Variants in PLCB2 observed in about 807,000 individuals in gnomAD.
PLCB2 encodes the protein phospholipase C beta 2, also known as 1-phosphatidylinositol 4,5-bisphosphate phosphodiesterase beta-2.
PLCB2 carries 115 observed loss-of-function variants against 141.7 expected under a neutral mutation model. That is an observed-to-expected ratio of 0.81 (90% CI 0.70 to 0.95). The LOEUF is 0.95. Among genes scored for constraint, PLCB2 ranks in the 40% least tolerant of loss-of-function variants. PLCB2 has a pLI of 0.00. For missense variants in PLCB2, 1,403 were observed against 1,541.1 expected (o/e 0.91, Z 1.50); for synonymous variants, 603 against 595.6 (o/e 1.01, Z -0.18).
At chr15:40,287,139 G>A (rs2039623919), downstream of PLCB2, among the ~76,000 whole-genome samples, 1 of 152,162 alleles carries the variant, frequency 6.6e-6, no homozygotes, top group African/African-American at 2.4e-5. Context: ...GGTATAGGTG[G>A]TCTGCCCCAG....
intron 14 of PLCB2, 23 bp downstream of exon 14, chr15:40,296,723 C>G (rs766376511): frequency 6.7e-5 from 108 of 1,610,090 alleles, no homozygotes; most frequent in Non-Finnish European, 8.7e-5. Flanking sequence ...TAATACCCCC[C>G]ACCATAGTCC....
At position 40,287,962 on chromosome 15, in the gene PLCB2, C is replaced by T. The variant is rs764851144; in HGVS notation, c.*753G>A. 2 of 984,336 alleles carry T rather than the reference C, an allele frequency of 2.0e-6. No individual in the cohort carries two copies. The highest frequency in any genetic ancestry group is 2.4e-6 in the Non-Finnish European group (2 of 829,098). 61.0% of individuals were successfully genotyped at this position (984,336 alleles called of 1,614,324 possible). A position where few individuals can be genotyped will look rare whatever the true frequency, so the allele number is the denominator to read the frequency against. On this transcript the variant is annotated 3_prime_UTR_variant, in exon 32 of 32. Coordinates refer to ENST00000260402, the MANE Select transcript of PLCB2 (RefSeq NM_004573.3). ...AGGAAAGAGAAAAATAAATAAACCT[C>T]ATAAATTCAGGAGAGCAAATGATGC...
chr15:40,303,155 T>A, intron 3 of PLCB2, 133 bp downstream of exon 3: 1 of 714,676 alleles, frequency 1.4e-6, no homozygotes, highest in Non-Finnish European at 2.5e-6. Context: ...CCAGCCACGG[T>A]CCTTGCTGCC....
At chr15:40,285,805 C>A, downstream of PLCB2, 1 of 985,508 alleles carries the variant, frequency 1.0e-6, no homozygotes, top group Non-Finnish European at 1.2e-6. Flanking sequence ...CACACCCCCC[C>A]AGGTGGAGGA....
In PLCB2 at chr15:40,297,524, G is replaced by A. The variant is rs751205465; in HGVS notation, c.1320C>T (p.Phe440=). Residue 440 remains phenylalanine, a synonymous_variant, in exon 13 of 32, where the codon TTC becomes TTT. Coordinates refer to ENST00000260402, the MANE Select transcript of PLCB2 (RefSeq NM_004573.3). The surrounding 1 kb of genome is among the most constrained non-coding windows in gnomAD (Gnocchi z 4.2). ...DMLLTEPLEK[F]PLKPGVPLPS... is the part of the protein sequence containing the mutation. ...TCCCACAGCGAAGCCCACTCACTGG[G>A]AACTTTTCCAGGGGCTCTGTGAGCA... 6.2e-6 allele frequency: 10 copies of A among 1,612,886 alleles called. No individual in the cohort carries two copies. Among genetic ancestry groups the A allele is most frequent in the South Asian group, 2.2e-5 (2 of 91,050 alleles).
intron 7 of PLCB2, chr15:40,301,290 G>C (rs1290046156): frequency 2.0e-6 from 1 of 503,128 alleles, no homozygotes; most frequent in African/African-American, 1.9e-5. Context: ...CCACACAAGA[G>C]CACTGGCCAA....
intron 3 of PLCB2, 115 bp downstream of exon 3, chr15:40,303,173 G>A: frequency 1.2e-6 from 1 of 803,144 alleles, no homozygotes; most frequent in Admixed American, 1.9e-5. Context: ...GCCCAGCCAA[G>A]GAACCATTCC....
chr15:40,287,891 C>T (rs1281520660), downstream of PLCB2: 2 of 979,194 alleles, frequency 2.0e-6, no homozygotes, highest in Non-Finnish European at 2.4e-6. Context: ...AGAATAGAGA[C>T]CAGGCTTAAG....
At chr15:40,296,491 C>G in intron 15 of PLCB2, 31 bp downstream of exon 15, 1 of 1,613,766 alleles carries the variant, frequency 6.2e-7, no homozygotes, top group Non-Finnish European at 8.5e-7. Context: ...TGGAGGATGA[C>G]ACAGAGGGGC....
intron 1 of PLCB2, among the ~76,000 whole-genome samples, chr15:40,306,412 C>G (rs527659660): frequency 8.1e-4 from 124 of 152,292 alleles, no homozygotes; most frequent in Non-Finnish European, 1.4e-3. Context: ...AACCCCCGAC[C>G]TCCACTGCCA....
Position 40,302,540 on chromosome 15 carries a change from C to T in PLCB2, c.301G>A (p.Val101Met), listed in dbSNP as rs1484277060. 6.2e-7 allele frequency: 1 copy of T among 1,614,084 alleles called. No homozygotes were observed. Among genetic ancestry groups the T allele is most frequent in the Non-Finnish European group, 8.5e-7 (1 of 1,180,020 alleles). The change falls in exon 4 of 32, where the codon GTG becomes ATG. Residue 101 changes from valine (V) to methionine (M), a missense_variant. Val to Met is a conservative substitution (Grantham distance 21). This residue lies in a region of PLCB2 where 975 missense variants were observed against 1,141.1 expected (regional missense o/e 0.85). Transcript: ENST00000260402. ...TCCACCATGTCCGGGCCGGACACCA[C>T]CGTGAGTGTCTTCAGCAGGAAACTG... ...DNSFLLKTLT[V>M]VSGPDMVDLT...
In PLCB2 at chr15:40,291,274, C is replaced by A; in HGVS notation, c.2861G>T (p.Arg954Leu). Residue 954 changes from arginine (R) to leucine (L), a missense_variant, in exon 26 of 32, where the codon CGC (arginine) becomes CTC (leucine). Coordinates refer to ENST00000260402, the MANE Select transcript of PLCB2 (RefSeq NM_004573.3). ...CCGCCACGAGCCTTACCTCTTCTTG[C>A]GAGAGCCCTTGCCGGGACCGAGCTT... ...ACKLGPGKGS[R>L]KKRSLPREES... is the part of the protein sequence containing the mutation. The A allele has an allele frequency of 6.4e-7, 1 of 1,568,662 alleles. No individual in the cohort carries two copies. The highest frequency in any genetic ancestry group is 8.6e-7 in the Non-Finnish European group (1 of 1,165,944).
Position 40,298,623 on chromosome 15 carries a change from G to C in PLCB2, c.936C>G (p.His312Gln), listed in dbSNP as rs114336069. The C allele has an allele frequency of 1.8e-3, 2,914 of 1,614,206 alleles. 53 individuals carry two copies. The African/African-American group carries it at 0.033, about 18-fold the overall frequency. ...AATGATTGAGTGGCTGCGTCATGTC[G>C]TGGTGGAGCAGCAGCTTGTCCTGGG... is the stretch of plus-strand genomic sequence containing the variant. ...VLAQDKLLLH[H>Q]DMTQPLNHYF... The change falls in exon 10 of 32, where the codon CAC becomes CAG. Residue 312 changes from histidine (H) to glutamine (Q), a missense_variant. Physicochemically the swap from His to Gln is conservative, Grantham distance 24. Around this residue, in one of 4 missense-constraint regions of PLCB2, gnomAD observed 975 missense variants for 1,141.1 expected, o/e 0.85. Coordinates refer to ENST00000260402, the MANE Select transcript of PLCB2 (RefSeq NM_004573.3).
intron 7 of PLCB2, chr15:40,301,734 G>T: frequency 1.4e-6 from 1 of 705,700 alleles, no homozygotes; most frequent in Non-Finnish European, 2.6e-6. Flanking sequence ...CAGGGTAGGG[G>T]ATACAGACAA....
At chr15:40,302,978 T>C (rs982263088) in intron 3 of PLCB2, among the ~76,000 whole-genome samples, 2 of 152,192 alleles carry the variant, frequency 1.3e-5, no homozygotes, top group Non-Finnish European at 2.9e-5. Context: ...ATAGGCAAAC[T>C]AGTCCGGGGG....
rs762999371 is a variant in PLCB2 at position 40,291,907 on chromosome 15, C to T, written c.2544G>A (p.Ala848=). The T allele has an allele frequency of 1.9e-6, 3 of 1,614,158 alleles. No individual in the cohort carries two copies. Among genetic ancestry groups the T allele is most frequent in the South Asian group, 2.2e-5 (2 of 91,074 alleles). Residue 848 remains alanine (A), a synonymous_variant, in exon 24 of 32, where the codon GCG becomes GCA. Coordinates refer to ENST00000260402, the MANE Select transcript of PLCB2 (RefSeq NM_004573.3). ...GGLPEKPFPL[A]SPVASQVNGA... ...CATTGACCTGGCTGGCAACTGGACT[C>T]GCCAGTGGGAAGGGCTTCTGTGTAG... is the stretch of plus-strand genomic sequence containing the variant.
Position 40,288,853 on chromosome 15 carries a change from C to A in PLCB2, c.3420G>T (p.Glu1140Asp). ...RMKGLEAEVK[E>D]SVRACLRTCF... ...AGGTCCTGAGGCAGGCCCTCACCGA[C>A]TCCTTCACCTCTGCCTCCAGACCCT... The change falls in exon 32 of 32, where the codon GAG (glutamate) becomes GAT (aspartate). Residue 1140 changes from glutamate (E) to aspartate (D), a missense_variant. Glu to Asp is a conservative substitution (Grantham distance 45, BLOSUM62 2). Coordinates refer to ENST00000260402, the MANE Select transcript of PLCB2 (RefSeq NM_004573.3). 6.2e-7 allele frequency: 1 copy of A among 1,614,068 alleles called. No homozygotes were observed. Among genetic ancestry groups the A allele is most frequent in the Non-Finnish European group, 8.5e-7 (1 of 1,180,004 alleles).
Position 40,294,389 on chromosome 15 carries a change from A to G in PLCB2, c.1938T>C (p.Phe646=). 1 of 1,614,214 alleles carries G rather than the reference A, an allele frequency of 6.2e-7. No individual in the cohort carries two copies. Among genetic ancestry groups the G allele is most frequent in the Non-Finnish European group, 8.5e-7 (1 of 1,180,040 alleles). ...GGTAGCCGCTCTGCCCGTTGAACTC[A>G]AATACTGCCATGTTCTGCTGCATGG... ...DLPMQQNMAV[F]EFNGQSGYLL... is the part of the protein sequence containing the mutation. Residue 646 remains phenylalanine (F), a synonymous_variant, in exon 19 of 32, where the codon TTT becomes TTC. Transcript: ENST00000260402.
chr15:40,288,098 A>G lies in PLCB2; in HGVS notation c.*617T>C. On this transcript the variant is annotated 3_prime_UTR_variant, in exon 32 of 32. Coordinates refer to ENST00000260402, the MANE Select transcript of PLCB2 (RefSeq NM_004573.3). Reference sequence around the variant, plus strand: ...AGGGTGGAACAGCACCCAAGAGCCCACTGCCCCTTGTGACTCAGCCAAGCA... The same window carrying G: ...AGGGTGGAACAGCACCCAAGAGCCCGCTGCCCCTTGTGACTCAGCCAAGCA... 1.0e-6 allele frequency: 1 copy of G among 985,490 alleles called. No homozygotes were observed. The highest frequency in any genetic ancestry group is 1.7e-5 in the African/African-American group (1 of 57,372). The allele number at this position is 985,490 out of a possible 1,614,324, so 61.0% of individuals were successfully genotyped here. A position where few individuals can be genotyped will look rare whatever the true frequency, so the allele number is the denominator to read the frequency against.
Sources: allele counts gnomAD v4.1 joint callset (sites outside exome capture counted in the v4.1 genomes callset), GRCh38; gene constraint gnomAD v4.1.1; regional missense constraint gnomAD v4.1.1; non-coding constraint Gnocchi (gnomAD v3.1); transcripts MANE v1.5; gene names NCBI Gene and HGNC (gene_info 2026-07-23, HGNC 2026-07-21).